SNTG1: variants seen among roughly 807,000 people sequenced by gnomAD.
SNTG1 encodes the protein syntrophin gamma 1.
Under a neutral mutation model 74.7 loss-of-function variants are expected in SNTG1, and 39 were observed. That is an observed-to-expected ratio of 0.52 (90% confidence interval 0.40 to 0.68). The LOEUF (loss-of-function observed/expected upper bound fraction) is 0.68. Among genes scored for constraint, SNTG1 ranks in the 30% least tolerant of loss-of-function variants. The pLI, the probability that SNTG1 is intolerant of heterozygous loss-of-function variation, is 0.00. For synonymous variants in SNTG1, 254 were observed against 217.1 expected (o/e 1.17, Z -1.49); for missense variants, 685 against 609.5 (o/e 1.12, Z -1.30).
At chr8:50,073,292 C>CT (rs1458525489) in intron 1 of SNTG1, among the ~76,000 whole-genome samples, 2 of 152,158 alleles carry the variant, frequency 1.3e-5, no homozygotes, top group African/African-American at 4.8e-5. Context: ...AGAAACCACA[C>CT]TTTTTTGCTC....
chr8:50,436,608 T>A (rs1030455726), intron 4 of SNTG1, among the ~76,000 whole-genome samples: 14 of 152,314 alleles, frequency 9.2e-5, no homozygotes, highest in African/African-American at 3.4e-4. Flanking sequence ...ATTTGCTGAA[T>A]GGATGAAGTT....
chr8:50,221,718 C>T (rs552129545), intron 2 of SNTG1, among the ~76,000 whole-genome samples: 1 of 152,172 alleles, frequency 6.6e-6, no homozygotes, highest in South Asian at 2.1e-4. Context: ...TTATGGAGTA[C>T]ATAGTCATGT....
At chr8:50,613,048 C>T (rs1401349496) in intron 13 of SNTG1, among the ~76,000 whole-genome samples, 2 of 151,988 alleles carry the variant, frequency 1.3e-5, no homozygotes, top group Admixed American at 1.3e-4. Context: ...AAAAAGTGCC[C>T]CACTTACTAA....
intron 1 of SNTG1, among the ~76,000 whole-genome samples, chr8:49,965,862 G>C (rs186506319): frequency 1.3e-5 from 2 of 151,888 alleles, no homozygotes; most frequent in African/African-American, 4.8e-5. Context: ...ACTTCCTCCT[G>C]TGATCTTTCA....
intron 4 of SNTG1, among the ~76,000 whole-genome samples, chr8:50,429,518 A>G (rs1044570308): frequency 2.0e-5 from 3 of 152,150 alleles, no homozygotes; most frequent in African/African-American, 7.2e-5. Flanking sequence ...AAGAACTAAA[A>G]CTATTAAAAC....
intron 11 of SNTG1, 67 bp from the exon 12 acceptor site, chr8:50,552,983 A>G (rs2130605898): frequency 6.4e-7 from 1 of 1,573,932 alleles, no homozygotes. Context: ...TTCAACAGAT[A>G]CTATTACGAG....
At chr8:50,527,509 G>A (rs965588881) in intron 9 of SNTG1, among the ~76,000 whole-genome samples, 13 of 152,034 alleles carry the variant, frequency 8.6e-5, no homozygotes, top group African/African-American at 2.9e-4. Flanking sequence ...ATGTGTGTGT[G>A]TATTTGATAT....
At chr8:50,696,585 C>A (rs568546938) in intron 15 of SNTG1, among the ~76,000 whole-genome samples, 2 of 152,096 alleles carry the variant, frequency 1.3e-5, no homozygotes, top group African/African-American at 2.4e-5. Flanking sequence ...ATCTTATGGT[C>A]TTTAATTCAT....
intron 2 of SNTG1, among the ~76,000 whole-genome samples, chr8:50,355,408 T>C (rs2091790394): frequency 6.6e-6 from 1 of 152,216 alleles, no homozygotes; most frequent in South Asian, 2.1e-4. Flanking sequence ...GATCTCCTAA[T>C]GTTCTCCTAC....
At chr8:50,516,578 A>G (rs1356210794) in intron 9 of SNTG1, among the ~76,000 whole-genome samples, 2 of 152,188 alleles carry the variant, frequency 1.3e-5, no homozygotes, top group Admixed American at 6.5e-5. Context: ...GCTAACTAGA[A>G]TAAGTTTAGA....
At chr8:50,423,292 T>C (rs1264647840) in intron 4 of SNTG1, among the ~76,000 whole-genome samples, 1 of 152,288 alleles carries the variant, frequency 6.6e-6, no homozygotes, top group East Asian at 1.9e-4. Context: ...GTTTATAGCA[T>C]GTAAAACAGT....
chr8:50,368,403 A>T (rs1288689196), intron 2 of SNTG1, among the ~76,000 whole-genome samples: 1 of 152,160 alleles, frequency 6.6e-6, no homozygotes, highest in African/African-American at 2.4e-5. Context: ...TGTTAAGCAA[A>T]AAGACCCAGG....
intron 15 of SNTG1, among the ~76,000 whole-genome samples, chr8:50,677,425 A>G (rs1175592798): frequency 1.3e-5 from 2 of 151,992 alleles, no homozygotes; most frequent in Admixed American, 6.6e-5. Context: ...TAATGTAAGA[A>G]AAAAGCTAGA....
chr8:50,519,599 G>C (rs1053938579), intron 9 of SNTG1, among the ~76,000 whole-genome samples: 1 of 151,926 alleles, frequency 6.6e-6, no homozygotes. Flanking sequence ...AAGCTACTTC[G>C]GCAGAGTTTC....
chr8:49,998,447 T>C (rs771021732), intron 1 of SNTG1, among the ~76,000 whole-genome samples: 11 of 152,184 alleles, frequency 7.2e-5, no homozygotes, highest in Non-Finnish European at 1.5e-4. Context: ...TTTAACTTTT[T>C]GACTCTGTAA....
chr8:50,779,431 G>T (rs1321922885), intron 18 of SNTG1, among the ~76,000 whole-genome samples: 2 of 151,914 alleles, frequency 1.3e-5, no homozygotes, highest in South Asian at 2.1e-4. Flanking sequence ...CCCTTATAAG[G>T]TGGATTCCTA....
chr8:50,566,149 G>GT (rs1192439509), intron 12 of SNTG1, among the ~76,000 whole-genome samples: 1 of 151,750 alleles, frequency 6.6e-6, no homozygotes, highest in Non-Finnish European at 1.5e-5. Context: ...GAAAAATTTT[G>GT]TTTTGTCTGG....
At chr8:50,037,813 A>G (rs553114597) in intron 1 of SNTG1, among the ~76,000 whole-genome samples, 2 of 152,332 alleles carry the variant, frequency 1.3e-5, no homozygotes, top group Admixed American at 1.3e-4. Flanking sequence ...GTAAATACGT[A>G]ATAAATCATA....
rs1554514155 is a variant in SNTG1 at position 50,395,506 on chromosome 8, GT to G, written c.27+1258del. Among the ~76,000 whole-genome samples, 17 of 135,668 alleles carry G rather than the reference GT, an allele frequency of 1.3e-4. No individual in the cohort carries two copies. The East Asian group carries it at 1.5e-3, about 12-fold the overall frequency. 89.0% of individuals were successfully genotyped at this position (135,668 alleles called of 152,430 possible). A position where few individuals can be genotyped will look rare whatever the true frequency, so the allele number is the denominator to read the frequency against. ...TTTAAATTTTAATTGTCTAATTTCT[GT>G]TTTTTTTTTTTTTTTTAATGGAGTC... On this transcript the variant is annotated intron_variant, in intron 3 of 18. Coordinates refer to ENST00000642720, the MANE Select transcript of SNTG1 (RefSeq NM_018967.5).
Sources: allele counts gnomAD v4.1 joint callset (sites outside exome capture counted in the v4.1 genomes callset), GRCh38; gene constraint gnomAD v4.1.1; transcripts MANE v1.5; gene names NCBI Gene and HGNC (gene_info 2026-07-23, HGNC 2026-07-21).